The following CMTM8 variants were observed in gnomAD, a reference collection of about 807,000 sequenced individuals.
CMTM8 encodes the protein CKLF-like MARVEL transmembrane domain-containing protein 8.
A neutral mutation model predicts 18.6 loss-of-function variants in CMTM8; 12 were observed. The ratio of observed to expected loss-of-function variants is 0.65; its 90% CI spans 0.41 to 1.05. CMTM8 has a LOEUF of 1.05. Ranked by LOEUF, CMTM8 falls within the 50% of genes least tolerant of loss-of-function variation. The pLI, the probability that CMTM8 is intolerant of heterozygous loss-of-function variation, is 0.00. For synonymous variants in CMTM8, 87 were observed against 90.6 expected, an observed-to-expected ratio of 0.96 and a Z score of 0.23; for missense variants, 217 against 227.2, an observed-to-expected ratio of 0.95 and a Z score of 0.29.
At chr3:32,316,675 TC>T (rs1467687202) in intron 1 of CMTM8, among the ~76,000 whole-genome samples, 1 of 147,308 alleles carries the variant, frequency 6.8e-6, no homozygotes, top group Admixed American at 6.9e-5. Flanking sequence ...GATTTTTTTT[TC>T]CCCCTAAAAC....
At chr3:32,285,651 G>C (rs1029816432) in intron 1 of CMTM8, among the ~76,000 whole-genome samples, 3 of 152,112 alleles carry the variant, frequency 2.0e-5, no homozygotes, top group African/African-American at 7.2e-5. Flanking sequence ...CCACTAATTA[G>C]ATAAATTGGG....
chr3:32,361,287 T>TTTTTTTTTTGTTTTTGTTTTTG (rs1228929205), intron 2 of CMTM8, among the ~76,000 whole-genome samples: 1 of 33,548 alleles, frequency 3.0e-5, no homozygotes, highest in African/African-American at 5.9e-5. Flanking sequence ...AGCCTAAGAG[T>TTTTTTTTTTGTTTTTGTTTTTG]TTTTTTTTCT....
At chr3:32,256,122 A>G (rs1348509197) in intron 1 of CMTM8, among the ~76,000 whole-genome samples, 1 of 152,108 alleles carries the variant, frequency 6.6e-6, no homozygotes, top group African/African-American at 2.4e-5. Flanking sequence ...TGTTGTTATT[A>G]GGGTGTCACT....
At chr3:32,242,569 C>T (rs1052368422) in intron 1 of CMTM8, among the ~76,000 whole-genome samples, 24 of 152,142 alleles carry the variant, frequency 1.6e-4, no homozygotes, top group African/African-American at 5.3e-4. Context: ...CTCAAGTGAT[C>T]TGCCCACCTC....
chr3:32,327,530 A>T (rs984477728), intron 1 of CMTM8, among the ~76,000 whole-genome samples: 2 of 152,202 alleles, frequency 1.3e-5, no homozygotes, highest in Non-Finnish European at 2.9e-5. Flanking sequence ...TCCTCTTGGA[A>T]TGAATTTGAA....
intron 1 of CMTM8, among the ~76,000 whole-genome samples, chr3:32,311,356 T>C (rs1172761853): frequency 6.6e-6 from 1 of 152,226 alleles, no homozygotes; most frequent in Non-Finnish European, 1.5e-5. Context: ...AAGGACAGAG[T>C]TGAATCATTG....
intron 1 of CMTM8, among the ~76,000 whole-genome samples, chr3:32,277,253 A>G (rs1480044555): frequency 6.6e-6 from 1 of 152,130 alleles, no homozygotes; most frequent in Admixed American, 6.5e-5. Flanking sequence ...TTTAATCCTG[A>G]TAAAGGCTAC....
Position 32,370,010 on chromosome 3 carries a change from T to G in CMTM8, c.*43T>G. On this transcript the variant is annotated 3_prime_UTR_variant, in exon 4 of 4. Transcript: ENST00000307526. ...TAAAAGGAAAAAAAAAGGAAGACTC[T>G]CACTGTAAAAACAGCTGTAGGTATA... 1 of 1,221,776 alleles carries G rather than the reference T, an allele frequency of 8.2e-7. No individual in the cohort carries two copies. Among genetic ancestry groups the G allele is most frequent in the Non-Finnish European group, 1.2e-6 (1 of 848,328 alleles). 75.7% of individuals were successfully genotyped at this position (1,221,776 alleles called of 1,614,324 possible).
Position 32,342,834 on chromosome 3 carries a change from G to A in CMTM8, c.148-14539G>A, listed in dbSNP as rs192273758. Among the ~76,000 whole-genome samples, 111 of 152,270 alleles carry A rather than the reference G, an allele frequency of 7.3e-4. 1 individual carries two copies. The highest frequency in any genetic ancestry group is 3.4e-3 in the Middle Eastern group (1 of 294). ...GTAGTAATAATTGACACAGCACCTC[G>A]CAAGCACTCTTGTGCATACATTGAT... is the stretch of plus-strand genomic sequence containing the variant. On this transcript the variant is annotated intron_variant, in intron 1 of 3. Coordinates refer to ENST00000307526, the MANE Select transcript of CMTM8 (RefSeq NM_178868.5).
intron 1 of CMTM8, among the ~76,000 whole-genome samples, chr3:32,282,108 A>G (rs1429898270): frequency 6.6e-6 from 1 of 152,120 alleles, no homozygotes; most frequent in Non-Finnish European, 1.5e-5. Context: ...CCCACTCACC[A>G]TCTCTTCTGA....
rs933360056 is a variant in CMTM8 at position 32,349,877 on chromosome 3, G to A, written c.148-7496G>A. Among the ~76,000 whole-genome samples, 8 of 151,974 alleles carry A rather than the reference G, an allele frequency of 5.3e-5. No individual in the cohort carries two copies. In the East Asian group the frequency reaches 5.8e-4, roughly 11 times the overall value. On this transcript the variant is annotated intron_variant, in intron 1 of 3. Coordinates refer to ENST00000307526, the MANE Select transcript of CMTM8 (RefSeq NM_178868.5). Reference sequence around the variant, plus strand: ...ACAAAAATTAGCTGGGTGTGGTGGCGCACGCTTGTAATCCCAGCTACTCAG... The same window carrying A: ...ACAAAAATTAGCTGGGTGTGGTGGCACACGCTTGTAATCCCAGCTACTCAG...
At chr3:32,317,926 G>C in intron 1 of CMTM8, among the ~76,000 whole-genome samples, 1 of 151,872 alleles carries the variant, frequency 6.6e-6, no homozygotes, top group Non-Finnish European at 1.5e-5. Flanking sequence ...ATGGTTGTAG[G>C]CACCTGTAAT....
intron 1 of CMTM8, among the ~76,000 whole-genome samples, chr3:32,322,715 A>G (rs757090935): frequency 2.0e-5 from 3 of 152,224 alleles, no homozygotes; most frequent in Non-Finnish European, 4.4e-5. Context: ...AGATGGGCCA[A>G]TAGTGGCATA....
chr3:32,238,995 G>T lies in CMTM8; in HGVS notation c.23G>T (p.Arg8Leu). The change falls in exon 1 of 4, where the codon CGC (arginine) becomes CTC (leucine). Residue 8 changes from arginine (R) to leucine (L), a missense_variant. By Grantham distance (102) the Arg-to-Leu change is moderately radical. Transcript: ENST00000307526. The stretch of plus-strand genomic sequence containing the variant: ...ACGATGGAGGAGCCGCAGCGCGCCC[G>T]CTCGCACACAGTCACCACCACCGCC... MEEPQRARSHTVTTTASS... is the reference protein window; with the variant it reads MEEPQRALSHTVTTTASS... 2 of 1,552,930 alleles carry T rather than the reference G, an allele frequency of 1.3e-6. No individual in the cohort carries two copies. The highest frequency in any genetic ancestry group is 1.7e-6 in the Non-Finnish European group (2 of 1,148,970).
In CMTM8 at chr3:32,347,297, G is replaced by GTTTTTTTTTTTTTT. The variant is rs56826485; in HGVS notation, c.148-10064_148-10063insTTTTTTTTTTTTTT. On this transcript the variant is annotated intron_variant, in intron 1 of 3. Transcript: ENST00000307526. ...TTGGTTTTTGGTTTTTTTTGCTTAG[G>GTTTTTTTTTTTTTT]TTTTTTTTTTTTGGCGTTAGTTCTC... Among the ~76,000 whole-genome samples, 1,269 of 135,288 alleles carry GTTTTTTTTTTTTTT rather than the reference G, an allele frequency of 9.4e-3. 29 individuals carry two copies. Among genetic ancestry groups the GTTTTTTTTTTTTTT allele is most frequent in the East Asian group, 0.022 (95 of 4,264 alleles). 88.8% of individuals were successfully genotyped at this position (135,288 alleles called of 152,430 possible).
rs573298044 is a variant in CMTM8, at chr3:32,260,099, G to A, written c.147+20980G>A. On this transcript the variant is annotated intron_variant, in intron 1 of 3. Coordinates refer to ENST00000307526, the MANE Select transcript of CMTM8 (RefSeq NM_178868.5). ...CTACCATCGCCTGTTGGAAGATGGC[G>A]AGGACTTCAATCTTGGTGATGCCCT... is the stretch of plus-strand genomic sequence containing the variant. 652 of 1,053,808 alleles carry A rather than the reference G, an allele frequency of 6.2e-4. 1 individual carries two copies. The African/African-American group carries it at 7.7e-3, about 13-fold the overall frequency. 65.3% of individuals were successfully genotyped at this position (1,053,808 alleles called of 1,614,324 possible). A position where few individuals can be genotyped will look rare whatever the true frequency, so the allele number is the denominator to read the frequency against.
At chr3:32,346,625 T>C (rs1039709890) in intron 1 of CMTM8, among the ~76,000 whole-genome samples, 25 of 152,078 alleles carry the variant, frequency 1.6e-4, no homozygotes, top group Non-Finnish European at 3.1e-4. Context: ...TTGGTGTCCC[T>C]TTTTATAAGG....
intron 1 of CMTM8, among the ~76,000 whole-genome samples, chr3:32,354,730 A>AC (rs1404506103): frequency 6.6e-6 from 1 of 152,004 alleles, no homozygotes; most frequent in African/African-American, 2.4e-5. Flanking sequence ...GGCCGTTCTG[A>AC]CCCTATCTCA....
intron 2 of CMTM8, 87 bp from the exon 3 acceptor site, chr3:32,367,785 C>A: frequency 1.2e-6 from 1 of 860,074 alleles, no homozygotes; most frequent in Non-Finnish European, 1.9e-6. Context: ...CTCCCCACAC[C>A]AGAGGTACAG....
Sources: allele counts gnomAD v4.1 joint callset (sites outside exome capture counted in the v4.1 genomes callset), GRCh38; gene constraint gnomAD v4.1.1; transcripts MANE v1.5; gene names NCBI Gene and HGNC (gene_info 2026-07-23, HGNC 2026-07-21).